Variants in NDFIP2 observed in about 807,000 individuals in gnomAD.
NDFIP2 encodes NEDD4 family-interacting protein 2.
A neutral mutation model predicts 36.0 loss-of-function variants in NDFIP2; 19 were observed. That is an observed-to-expected ratio of 0.53 (90% CI 0.37 to 0.77). NDFIP2 has a LOEUF of 0.77. Ranked by LOEUF, NDFIP2 falls within the 30% of genes least tolerant of loss-of-function variation. NDFIP2 has a pLI of 0.00. For missense variants in NDFIP2, 446 were observed against 435.8 expected (o/e 1.02, Z -0.21); for synonymous variants, 181 against 167.7 (o/e 1.08, Z -0.61).
chr13:79,502,881 TG>T (rs1387578279), intron 1 of NDFIP2, among the ~76,000 whole-genome samples: 3 of 147,644 alleles, frequency 2.0e-5, no homozygotes, highest in Non-Finnish European at 3.0e-5. Flanking sequence ...TATTTTTAGC[TG>T]GGGGGAGGTT....
intron 1 of NDFIP2, among the ~76,000 whole-genome samples, chr13:79,498,739 A>C (rs1379185690): frequency 6.6e-6 from 1 of 152,026 alleles, no homozygotes; most frequent in Non-Finnish European, 1.5e-5. Flanking sequence ...CATCATGACC[A>C]AATCAGCTCT....
At chr13:79,530,382 G>A (rs1874968860) in intron 2 of NDFIP2, among the ~76,000 whole-genome samples, 1 of 152,184 alleles carries the variant, frequency 6.6e-6, no homozygotes, top group Non-Finnish European at 1.5e-5. Context: ...TTCCCGAGTA[G>A]CTGGGATTAC....
intron 1 of NDFIP2, among the ~76,000 whole-genome samples, chr13:79,507,013 T>A (rs1182831082): frequency 5.3e-5 from 8 of 152,078 alleles, no homozygotes. Context: ...TGTTTAAAAT[T>A]TAGATGAGAT....
chr13:79,541,576 A>G (rs1435532991), intron 4 of NDFIP2, among the ~76,000 whole-genome samples: 2 of 151,630 alleles, frequency 1.3e-5, no homozygotes, highest in African/African-American at 4.8e-5. Context: ...CTGGCAGGCT[A>G]TAGGCCTAGA....
intron 1 of NDFIP2, among the ~76,000 whole-genome samples, chr13:79,489,326 C>T (rs1172886015): frequency 1.3e-5 from 2 of 152,138 alleles, no homozygotes; most frequent in Non-Finnish European, 2.9e-5. Context: ...TTTGTGTGCC[C>T]TCTTGATGTG....
At position 79,486,197 on chromosome 13, in the gene NDFIP2, T is replaced by G. The variant is rs570829388; in HGVS notation, c.321+4673T>G. 2.6e-5 allele frequency among the ~76,000 whole-genome samples: 4 copies of G among 152,320 alleles called. No individual in the cohort carries two copies. In the East Asian group the frequency reaches 5.8e-4, roughly 22 times the overall value. ...CCAAAACACTTCTGGTCCCAAGCAT[T>G]TTAAATAAGGGATACTCAACCTGTA... On this transcript the variant is annotated intron_variant, in intron 1 of 7. Coordinates refer to ENST00000218652, the MANE Select transcript of NDFIP2 (RefSeq NM_019080.3).
chr13:79,487,332 G>A (rs914640764), intron 1 of NDFIP2, among the ~76,000 whole-genome samples: 1 of 152,096 alleles, frequency 6.6e-6, no homozygotes, highest in Non-Finnish European at 1.5e-5. Flanking sequence ...ATTGATCCAT[G>A]TTTTTGTGTA....
In NDFIP2 at chr13:79,553,100, A is replaced by C. The variant is rs150468706; in HGVS notation, c.*587A>C. On this transcript the variant is annotated 3_prime_UTR_variant, in exon 8 of 8. Coordinates refer to ENST00000218652, the MANE Select transcript of NDFIP2 (RefSeq NM_019080.3). ...AAACTCTTCCTGTAAATAACCATGCATAACTTACTTTCTGCAATGTTTTCT... is the reference window on the plus strand; with the variant it reads ...AAACTCTTCCTGTAAATAACCATGCCTAACTTACTTTCTGCAATGTTTTCT... 1 of 151,834 alleles carries C rather than the reference A, an allele frequency of 6.6e-6. No homozygotes were observed. Among genetic ancestry groups the C allele is most frequent in the African/African-American group, 2.4e-5 (1 of 41,392 alleles). The allele number at this position is 151,834 out of a possible 1,614,324, so 9.4% of individuals were successfully genotyped here.
chr13:79,551,520 A>G (rs1011477472), intron 7 of NDFIP2, among the ~76,000 whole-genome samples: 12 of 151,534 alleles, frequency 7.9e-5, no homozygotes, highest in African/African-American at 2.7e-4. Context: ...ACAATATGAA[A>G]TTCACATAGA....
intron 1 of NDFIP2, among the ~76,000 whole-genome samples, chr13:79,482,169 C>CTTTCTT (rs1555355649): frequency 4.0e-5 from 3 of 75,888 alleles, no homozygotes; most frequent in Admixed American, 1.5e-4. Context: ...TTCTTTCTTT[C>CTTTCTT]TTTTTTTTTT....
intron 3 of NDFIP2, among the ~76,000 whole-genome samples, chr13:79,534,388 C>G (rs1234405879): frequency 1.9e-5 from 2 of 107,426 alleles, no homozygotes; most frequent in African/African-American, 3.6e-5. Flanking sequence ...ACATTCTACT[C>G]TAGAATTTTG....
intron 1 of NDFIP2, among the ~76,000 whole-genome samples, chr13:79,490,573 C>G (rs1873187014): frequency 6.6e-6 from 1 of 152,148 alleles, no homozygotes; most frequent in Non-Finnish European, 1.5e-5. Flanking sequence ...TGTAGTGCAG[C>G]AGTATCCATA....
At chr13:79,541,479 A>G (rs577896353) in intron 4 of NDFIP2, among the ~76,000 whole-genome samples, 127 of 151,752 alleles carry the variant, frequency 8.4e-4, no homozygotes, top group African/African-American at 2.8e-3. Flanking sequence ...CACAACTTAT[A>G]TATTTAATGC....
chr13:79,482,686 T>C (rs1051992191), intron 1 of NDFIP2, among the ~76,000 whole-genome samples: 2 of 152,222 alleles, frequency 1.3e-5, no homozygotes, highest in Non-Finnish European at 2.9e-5. Flanking sequence ...ATGAAGGAAC[T>C]GTAAGATGAG....
intron 1 of NDFIP2, among the ~76,000 whole-genome samples, chr13:79,491,155 A>G (rs1873211273): frequency 6.6e-6 from 1 of 152,068 alleles, no homozygotes; most frequent in Non-Finnish European, 1.5e-5. Flanking sequence ...ATGGTGGTAG[A>G]GAGATTTTTG....
intron 7 of NDFIP2, among the ~76,000 whole-genome samples, chr13:79,552,033 C>G (rs1267832874): frequency 6.6e-6 from 1 of 151,232 alleles, no homozygotes; most frequent in Non-Finnish European, 1.5e-5. Context: ...TACATTTTAT[C>G]ATTTATATAA....
chr13:79,507,863 A>G (rs903517009), intron 1 of NDFIP2, among the ~76,000 whole-genome samples: 1 of 151,854 alleles, frequency 6.6e-6, no homozygotes, highest in Non-Finnish European at 1.5e-5. Flanking sequence ...ATAAAGTTTT[A>G]CATTCTATGC....
chr13:79,515,695 A>C (rs924265987), intron 1 of NDFIP2, among the ~76,000 whole-genome samples: 3 of 152,166 alleles, frequency 2.0e-5, no homozygotes, highest in African/African-American at 7.2e-5. Context: ...TAATGGGTAC[A>C]TTTCTTCTGA....
At chr13:79,520,776 A>G in intron 1 of NDFIP2, 34 bp from the exon 2 acceptor site, 2 of 1,553,492 alleles carry the variant, frequency 1.3e-6, no homozygotes, top group Non-Finnish European at 1.8e-6. Flanking sequence ...AATTAGCATT[A>G]CATTAATGTT....
Sources: gnomAD v4.1 joint callset for allele counts (sites outside exome capture counted in the v4.1 genomes callset) on GRCh38, gnomAD v4.1.1 for gene constraint, MANE v1.5 for transcripts, NCBI Gene and HGNC (gene_info 2026-07-23, HGNC 2026-07-21) for gene names.